Variants in TRIOBP observed in about 807,000 individuals in gnomAD.
TRIOBP encodes TRIO and F-actin binding protein.
Under a neutral mutation model 238.8 loss-of-function variants are expected in TRIOBP, and 169 were observed. That is an observed-to-expected ratio of 0.71 (90% CI 0.62 to 0.80). The LOEUF is 0.80. TRIOBP is among the 30% of genes least tolerant of loss of function. The pLI is 0.00. For missense variants in TRIOBP, 2,838 were observed against 3,122.6 expected (o/e 0.91, Z 2.17); for synonymous variants, 1,150 against 1,274.4 (o/e 0.90, Z 2.08).
At position 37,756,544 on chromosome 22, in the gene TRIOBP, T is replaced by C. The variant is rs193039267; in HGVS notation, c.5687+885T>C. Among the ~76,000 whole-genome samples the C allele has an allele frequency of 4.6e-5, 7 of 152,344 alleles. No homozygotes were observed. In the South Asian group the frequency reaches 6.2e-4, roughly 14 times the overall value. ...GAAGCACTGTGCAGTTGGACTGTTA[T>C]TTAGCATCTAGGCCCAGCTGCTTTA... On this transcript the variant is annotated intron_variant, in intron 15 of 23. Coordinates refer to ENST00000644935, the MANE Select transcript of TRIOBP (RefSeq NM_001039141.3).
At chr22:37,723,153 C>T in intron 6 of TRIOBP, 32 bp from the exon 7 acceptor site, 2 of 1,611,766 alleles carry the variant, frequency 1.2e-6, no homozygotes, top group Non-Finnish European at 1.7e-6. Flanking sequence ...GGACCTCTCC[C>T]CTTACCTTGA....
At position 37,711,592 on chromosome 22, in the gene TRIOBP, AC is replaced by A. The variant is rs1569034683; in HGVS notation, c.254+1027del. On this transcript the variant is annotated intron_variant, in intron 4 of 23. Coordinates refer to ENST00000644935, the MANE Select transcript of TRIOBP (RefSeq NM_001039141.3). Reference sequence around the variant, plus strand: ...AGGCTCCGTCTCAAAAAAAAAAAAAACAACAAAAAAAAAAAACAAAAAAAAA... The same window carrying A: ...AGGCTCCGTCTCAAAAAAAAAAAAAAAACAAAAAAAAAAAACAAAAAAAAA... Among the ~76,000 whole-genome samples, 543 of 49,416 alleles carry A rather than the reference AC, an allele frequency of 0.011. 10 individuals carry two copies. The East Asian group carries it at 0.21, about 19-fold the overall frequency. 32.4% of individuals were successfully genotyped at this position (49,416 alleles called of 152,430 possible). A position where few individuals can be genotyped will look rare whatever the true frequency, so the allele number is the denominator to read the frequency against.
chr22:37,723,267 G>A lies in TRIOBP; in HGVS notation c.711G>A (p.Arg237=). 6.2e-7 allele frequency: 1 copy of A among 1,614,032 alleles called. No individual in the cohort carries two copies. Among genetic ancestry groups the A allele is most frequent in the Non-Finnish European group, 8.5e-7 (1 of 1,179,964 alleles). The change falls in exon 7 of 24, where the codon CGG becomes CGA. Residue 237 remains arginine, a synonymous_variant. Transcript: ENST00000644935. ...GESGLSLERH[R]STLTQASSMT... ...GCGGGTTGTCCCTGGAGCGGCACCGGTCAACACTGACCCAGGCTTCCTCCA... is the reference window on the plus strand; with the variant it reads ...GCGGGTTGTCCCTGGAGCGGCACCGATCAACACTGACCCAGGCTTCCTCCA...
intron 11 of TRIOBP, among the ~76,000 whole-genome samples, chr22:37,747,420 C>T (rs1164406796): frequency 6.8e-6 from 1 of 147,370 alleles, no homozygotes; most frequent in Non-Finnish European, 1.5e-5. Flanking sequence ...CAGTAGGCCT[C>T]TTTCAGGGGA....
At chr22:37,763,745 T>C (rs933564496) in intron 17 of TRIOBP, among the ~76,000 whole-genome samples, 12 of 152,202 alleles carry the variant, frequency 7.9e-5, no homozygotes, top group Non-Finnish European at 1.6e-4. Flanking sequence ...GCCGCCTGCC[T>C]ATCAGTTTCT....
rs1436372436 is a variant in TRIOBP, at chr22:37,750,742, TC to T, written c.5323-1028del. On this transcript the variant is annotated intron_variant, in intron 11 of 23. Transcript: ENST00000644935. ...TGTCCCAAGCCCCGGTTGGTCCACT[TC>T]CTATACCTGAGAAGGGGCTCCGTGG... 8.5e-6 allele frequency: 4 copies of T among 470,940 alleles called. No homozygotes were observed. The East Asian group carries it at 2.8e-4, about 33-fold the overall frequency. The allele number at this position is 470,940 out of a possible 1,614,324, so 29.2% of individuals were successfully genotyped here. A position where few individuals can be genotyped will look rare whatever the true frequency, so the allele number is the denominator to read the frequency against.
In TRIOBP at chr22:37,706,394, G is replaced by A. The variant is rs80018262; in HGVS notation, c.115-4033G>A. Among the ~76,000 whole-genome samples, 1,512 of 152,254 alleles carry A rather than the reference G, an allele frequency of 9.9e-3. 22 individuals carry two copies. Among genetic ancestry groups the A allele is most frequent in the African/African-American group, 0.035 (1,453 of 41,516 alleles). ...GTGGAATGAGATGAGAACAGGCCTG[G>A]GTGGAGGCCAGGGAATCAGCAGAGA... is the stretch of plus-strand genomic sequence containing the variant. On this transcript the variant is annotated intron_variant, in intron 3 of 23. Coordinates refer to ENST00000644935, the MANE Select transcript of TRIOBP (RefSeq NM_001039141.3).
chr22:37,722,732 C>T (rs1483304440), intron 6 of TRIOBP, among the ~76,000 whole-genome samples: 1 of 152,022 alleles, frequency 6.6e-6, no homozygotes, highest in Non-Finnish European at 1.5e-5. Flanking sequence ...GACTCAAAAA[C>T]AAAACAAAAC....
intron 10 of TRIOBP, among the ~76,000 whole-genome samples, chr22:37,739,070 A>C (rs1054229812): frequency 6.6e-6 from 1 of 152,136 alleles, no homozygotes. Context: ...CCAGGCTGAA[A>C]GAGCAGGGCT....
chr22:37,705,725 ACT>A (rs1922909459), intron 3 of TRIOBP, among the ~76,000 whole-genome samples: 1 of 151,882 alleles, frequency 6.6e-6, no homozygotes, highest in Admixed American at 6.6e-5. Flanking sequence ...ACAGGCATGT[ACT>A]ACCAAACCCA....
chr22:37,701,394 G>A lies in TRIOBP; in HGVS notation c.29G>A (p.Cys10Tyr), dbSNP rs1294083558. 2 of 1,613,792 alleles carry A rather than the reference G, an allele frequency of 1.2e-6. No homozygotes were observed. Among genetic ancestry groups the A allele is most frequent in the East Asian group, 2.2e-5 (1 of 44,874 alleles). MEEVPGDAL[C>Y]EHFEANILTQ... ...GAGGAGGTGCCTGGGGATGCCCTGTGTGAACACTTTGAGGCCAACATACTT... is the reference window on the plus strand; with the variant it reads ...GAGGAGGTGCCTGGGGATGCCCTGTATGAACACTTTGAGGCCAACATACTT... The change falls in exon 3 of 24, where the codon TGT becomes TAT. Residue 10 changes from cysteine to tyrosine, a missense_variant. Cys to Tyr is a radical substitution (Grantham distance 194). Transcript: ENST00000644935.
rs761445381 is a variant in TRIOBP, at chr22:37,768,211, A to T, written c.6575+35A>T. On this transcript the variant is annotated intron_variant, in intron 19 of 23. Coordinates refer to ENST00000644935, the MANE Select transcript of TRIOBP (RefSeq NM_001039141.3). ...TGCCGGGGCCCAACTGCCCACCCTG[A>T]TGGTTATGGGTTGAGGAACTTTGCT... The T allele has an allele frequency of 1.9e-6, 3 of 1,565,428 alleles. No individual in the cohort carries two copies. In the South Asian group the frequency reaches 3.4e-5, roughly 18 times the overall value.
intron 11 of TRIOBP, chr22:37,750,672 A>G (rs899588427): frequency 6.4e-6 from 3 of 471,060 alleles, no homozygotes; most frequent in Non-Finnish European, 1.3e-5. Flanking sequence ...ATGCCAACCT[A>G]CTGGGTCCCC....
intron 11 of TRIOBP, among the ~76,000 whole-genome samples, chr22:37,748,198 TC>T (rs1925383759): frequency 1.3e-5 from 2 of 152,154 alleles, no homozygotes. Flanking sequence ...GAGGCTATGA[TC>T]ACCATTAATA....
chr22:37,714,135 C>A (rs1923400957), intron 5 of TRIOBP, among the ~76,000 whole-genome samples: 1 of 152,136 alleles, frequency 6.6e-6, no homozygotes, highest in Non-Finnish European at 1.5e-5. Context: ...GCGGGGGGAG[C>A]AACTTAGTGG....
At chr22:37,760,758 G>A (rs939790503) in intron 17 of TRIOBP, among the ~76,000 whole-genome samples, 3 of 152,032 alleles carry the variant, frequency 2.0e-5, no homozygotes, top group Non-Finnish European at 2.9e-5. Flanking sequence ...GGCAGATCAC[G>A]AGGTCAGGAG....
At chr22:37,716,733 C>A (rs969100275) in intron 6 of TRIOBP, among the ~76,000 whole-genome samples, 10 of 152,194 alleles carry the variant, frequency 6.6e-5, no homozygotes, top group African/African-American at 2.4e-4. Flanking sequence ...TAGTAGGGAG[C>A]CACCGAAGGT....
rs545941956 is a variant in TRIOBP, at chr22:37,759,929, A to T, written c.6324+665A>T. 4.8e-5 allele frequency: 12 copies of T among 252,332 alleles called. No individual in the cohort carries two copies. The South Asian group carries it at 9.5e-4, about 20-fold the overall frequency. 15.6% of individuals were successfully genotyped at this position (252,332 alleles called of 1,614,324 possible). ...ACAATGCTTAGTACACAATTTACAA[A>T]TAAAAATATATAATTTTATTGTGAA... On this transcript the variant is annotated intron_variant, in intron 17 of 23. Coordinates refer to ENST00000644935, the MANE Select transcript of TRIOBP (RefSeq NM_001039141.3).
At chr22:37,748,614 A>G (rs1363698447) in intron 11 of TRIOBP, among the ~76,000 whole-genome samples, 1 of 152,050 alleles carries the variant, frequency 6.6e-6, no homozygotes, top group African/African-American at 2.4e-5. Context: ...ACACTCCCTG[A>G]GCCCCTATCT....
Sources: allele counts gnomAD v4.1 joint callset (sites outside exome capture counted in the v4.1 genomes callset), GRCh38; gene constraint gnomAD v4.1.1; transcripts MANE v1.5; gene names NCBI Gene and HGNC (gene_info 2026-07-23, HGNC 2026-07-21).